TNS3: variants seen among roughly 807,000 people sequenced by gnomAD.
TNS3 encodes tensin-3.
TNS3 carries 45 observed loss-of-function variants against 140.9 expected under a neutral mutation model. The observed-to-expected ratio is 0.32, with a 90% CI of 0.25 to 0.41. The LOEUF is 0.41. Among genes scored for constraint, TNS3 ranks in the 10% least tolerant of loss-of-function variants. TNS3 has a pLI of 1.00. For synonymous variants in TNS3, 815 were observed against 788.4 expected, an observed-to-expected ratio of 1.03 and a Z score of -0.56; for missense variants, 1,716 against 1,906.7, an observed-to-expected ratio of 0.90 and a Z score of 1.86.
Position 47,454,056 on chromosome 7 carries a change from G to A in TNS3, c.-75-12001C>T, listed in dbSNP as rs145675116. Among the ~76,000 whole-genome samples the A allele has an allele frequency of 1.9e-3, 288 of 152,294 alleles. 1 individual carries two copies. Among genetic ancestry groups the A allele is most frequent in the African/African-American group, 6.3e-3 (261 of 41,566 alleles). On this transcript the variant is annotated intron_variant, in intron 4 of 30. Transcript: ENST00000311160. Reference sequence around the variant, plus strand: ...CATAACGAAAACATTTCTTCACATAGAAAAGTGGACCAAGGGAGGGGAGGT... The same window carrying A: ...CATAACGAAAACATTTCTTCACATAAAAAAGTGGACCAAGGGAGGGGAGGT...
At chr7:47,473,812 A>C (rs531624482) in intron 4 of TNS3, among the ~76,000 whole-genome samples, 1 of 152,168 alleles carries the variant, frequency 6.6e-6, no homozygotes, top group African/African-American at 2.4e-5. Context: ...TACAGGTGGA[A>C]AGTGTGGGTG....
In TNS3 at chr7:47,303,306, T is replaced by G. The variant is rs1329112718; in HGVS notation, c.3101A>C (p.Glu1034Ala). The G allele has an allele frequency of 6.2e-7, 1 of 1,613,390 alleles. No homozygotes were observed. The highest frequency in any genetic ancestry group is 1.3e-5 in the African/African-American group (1 of 74,932). ...TAPVGSGLPP[E>A]EDLGALLANS... The stretch of plus-strand genomic sequence containing the variant: ...GGCCAGCAAGGCCCCCAGGTCCTCC[T>G]CGGGCGGAAGGCCACTTCCCACTGG... Residue 1034 changes from glutamate to alanine, a missense_variant, in exon 22 of 31, where the codon GAG becomes GCG. Coordinates refer to ENST00000311160, the MANE Select transcript of TNS3 (RefSeq NM_022748.12).
chr7:47,544,599 A>G (rs193179186), intron 1 of TNS3, among the ~76,000 whole-genome samples: 145 of 152,208 alleles, frequency 9.5e-4, no homozygotes, highest in African/African-American at 3.2e-3. Flanking sequence ...AATCTGCCAG[A>G]GCCTTGATCT....
At chr7:47,375,356 T>C (rs1227231292) in intron 16 of TNS3, among the ~76,000 whole-genome samples, 1 of 152,222 alleles carries the variant, frequency 6.6e-6, no homozygotes, top group Non-Finnish European at 1.5e-5. Flanking sequence ...GATTTCCTGG[T>C]GGCCAGATCT....
chr7:47,526,911 T>G lies in TNS3; in HGVS notation c.-153+2125A>C, dbSNP rs867691372. On this transcript the variant is annotated intron_variant, in intron 2 of 30. Coordinates refer to ENST00000311160, the MANE Select transcript of TNS3 (RefSeq NM_022748.12). ...TTTTCCTTCTTTTCACACTTGGGAG[T>G]CAAAGTTAGAGACCAAAATTTTAAA... 2.0e-5 allele frequency among the ~76,000 whole-genome samples: 3 copies of G among 152,064 alleles called. No homozygotes were observed. The South Asian group carries it at 6.2e-4, about 32-fold the overall frequency.
At chr7:47,482,823 G>A (rs974290819) in intron 3 of TNS3, among the ~76,000 whole-genome samples, 1 of 152,198 alleles carries the variant, frequency 6.6e-6, no homozygotes, top group Non-Finnish European at 1.5e-5. Context: ...AAGCCACTCT[G>A]AAAAGGCCAC....
intron 28 of TNS3, among the ~76,000 whole-genome samples, chr7:47,281,947 A>ACCCT (rs1785167091): frequency 6.7e-6 from 1 of 148,596 alleles, no homozygotes; most frequent in African/African-American, 2.5e-5. Context: ...CCTGACCCTG[A>ACCCT]GTCCACTAGG....
intron 16 of TNS3, among the ~76,000 whole-genome samples, chr7:47,394,601 T>C (rs1488182229): frequency 1.3e-5 from 2 of 152,240 alleles, no homozygotes; most frequent in Non-Finnish European, 2.9e-5. Flanking sequence ...GCTGAGAGTC[T>C]TTAAGACTGA....
At chr7:47,359,138 C>A (rs1168664228) in intron 17 of TNS3, among the ~76,000 whole-genome samples, 1 of 152,220 alleles carries the variant, frequency 6.6e-6, no homozygotes, top group East Asian at 1.9e-4. Context: ...GTGGGAACAA[C>A]CCAAGTCTCC....
At chr7:47,547,939 C>T (rs928841622) in intron 1 of TNS3, among the ~76,000 whole-genome samples, 1 of 152,212 alleles carries the variant, frequency 6.6e-6, no homozygotes, top group East Asian at 1.9e-4. Context: ...CTCACTCTGT[C>T]GCCCAGGCTG....
intron 3 of TNS3, among the ~76,000 whole-genome samples, chr7:47,489,833 A>C (rs1439559540): frequency 1.3e-5 from 2 of 152,182 alleles, no homozygotes; most frequent in East Asian, 3.9e-4. Context: ...GGGGGCCCAA[A>C]CGCCTTCCTG....
intron 1 of TNS3, among the ~76,000 whole-genome samples, chr7:47,573,589 G>C (rs984530736): frequency 2.6e-5 from 4 of 151,942 alleles, no homozygotes; most frequent in Middle Eastern, 3.4e-3. Context: ...CCATCGCGAC[G>C]GGTCCTTCTG....
intron 20 of TNS3, among the ~76,000 whole-genome samples, chr7:47,330,549 G>A (rs1281159775): frequency 6.6e-6 from 1 of 152,156 alleles, no homozygotes; most frequent in East Asian, 1.9e-4. Context: ...GTCCCACTGG[G>A]AAGTCACATC....
chr7:47,385,884 G>A lies in TNS3; in HGVS notation c.1024+10916C>T, dbSNP rs150401679. Among the ~76,000 whole-genome samples, 429 of 152,228 alleles carry A rather than the reference G, an allele frequency of 2.8e-3. 1 individual carries two copies. The highest frequency in any genetic ancestry group is 8.9e-3 in the African/African-American group (368 of 41,534). Reference sequence around the variant, plus strand: ...ATGGCTACTGCTGCCACCAAAGGACGGCTGTTGAGATCTTGGCAGAATTCC... The same window carrying A: ...ATGGCTACTGCTGCCACCAAAGGACAGCTGTTGAGATCTTGGCAGAATTCC... On this transcript the variant is annotated intron_variant, in intron 16 of 30. Transcript: ENST00000311160.
At chr7:47,572,526 C>T (rs141558503) in intron 1 of TNS3, among the ~76,000 whole-genome samples, 1 of 145,788 alleles carries the variant, frequency 6.9e-6, no homozygotes, top group Non-Finnish European at 1.5e-5. Flanking sequence ...AGTATGCTCT[C>T]GATGACCTAT....
chr7:47,476,319 C>T (rs1797193253), intron 4 of TNS3, among the ~76,000 whole-genome samples: 1 of 152,234 alleles, frequency 6.6e-6, no homozygotes, highest in African/African-American at 2.4e-5. Flanking sequence ...ACACCTACCA[C>T]TACATTCTGT....
At chr7:47,406,284 T>G (rs1334546958) in intron 13 of TNS3, among the ~76,000 whole-genome samples, 1 of 152,028 alleles carries the variant, frequency 6.6e-6, no homozygotes, top group Non-Finnish European at 1.5e-5. Flanking sequence ...AGGCAGACGG[T>G]GGGTCAAGGT....
rs556371258 is a variant in TNS3, at chr7:47,313,693, G to C, written c.2651-8690C>G. Among the ~76,000 whole-genome samples the C allele has an allele frequency of 1.3e-3, 191 of 152,282 alleles. 1 individual carries two copies. The highest frequency in any genetic ancestry group is 4.3e-3 in the African/African-American group (179 of 41,550). On this transcript the variant is annotated intron_variant, in intron 20 of 30. Coordinates refer to ENST00000311160, the MANE Select transcript of TNS3 (RefSeq NM_022748.12). ...AGAGTCCCCGTGCCTCAAGGCTCTA[G>C]AAGACCCCATGCCATGACTCAGAAG...
chr7:47,464,249 C>G (rs780728979), intron 4 of TNS3, among the ~76,000 whole-genome samples: 16 of 152,188 alleles, frequency 1.1e-4, no homozygotes, highest in Non-Finnish European at 1.6e-4. Context: ...AAGCTTACAG[C>G]ATTTTCTAGG....
Sources: gnomAD v4.1 joint callset for allele counts (sites outside exome capture counted in the v4.1 genomes callset) on GRCh38, gnomAD v4.1.1 for gene constraint, MANE v1.5 for transcripts, NCBI Gene and HGNC (gene_info 2026-07-23, HGNC 2026-07-21) for gene names.